STARD13: variants seen among roughly 807,000 people sequenced by gnomAD.
STARD13 encodes StAR related lipid transfer domain containing 13.
Under a neutral mutation model 106.4 loss-of-function variants are expected in STARD13, and 62 were observed. That is an observed-to-expected ratio of 0.58 (90% CI 0.48 to 0.72). The LOEUF (loss-of-function observed/expected upper bound fraction) is 0.72. STARD13 is among the 30% of genes least tolerant of loss of function. The pLI, the probability that STARD13 is intolerant of heterozygous loss-of-function variation, is 0.00. For synonymous variants in STARD13, 565 were observed against 553.0 expected (o/e 1.02, Z -0.31); for missense variants, 1,387 against 1,424.0 (o/e 0.97, Z 0.42).
At chr13:33,297,714 AT>A (rs1364993111) in intron 1 of STARD13, among the ~76,000 whole-genome samples, 1 of 152,300 alleles carries the variant, frequency 6.6e-6, no homozygotes, top group Non-Finnish European at 1.5e-5. Context: ...TTAAATCTCC[AT>A]TTTTAAAATA....
At chr13:33,284,852 A>G (rs547574709) in intron 1 of STARD13, among the ~76,000 whole-genome samples, 84 of 152,204 alleles carry the variant, frequency 5.5e-4, no homozygotes, top group Non-Finnish European at 1.1e-3. Context: ...TCTTTGCATT[A>G]GGAAGCTGGA....
intron 12 of STARD13, among the ~76,000 whole-genome samples, chr13:33,107,806 C>CA (rs1266184479): frequency 1.3e-5 from 2 of 152,018 alleles, no homozygotes; most frequent in Non-Finnish European, 2.9e-5. Context: ...GCTATGAGAA[C>CA]ATCTCTGTAA....
the STARD13 span, among the ~76,000 whole-genome samples, chr13:33,428,951 T>C: frequency 8.5e-5 from 13 of 152,116 alleles, no homozygotes; most frequent in Non-Finnish European, 7.4e-5. Context: ...ATCAGAGAAA[T>C]GCATATCAAA....
chr13:33,283,867 A>C (rs960170136), intron 1 of STARD13, among the ~76,000 whole-genome samples: 1 of 152,234 alleles, frequency 6.6e-6, no homozygotes, highest in African/African-American at 2.4e-5. Context: ...GAACATAAAT[A>C]ATATTTAAAT....
the STARD13 span, among the ~76,000 whole-genome samples, chr13:33,626,445 A>T: frequency 6.6e-6 from 1 of 152,320 alleles, no homozygotes; most frequent in Admixed American, 6.5e-5. Flanking sequence ...TATTTGAGAA[A>T]ATTGTTGGTG....
chr13:33,422,973 A>T, the STARD13 span, among the ~76,000 whole-genome samples: 2 of 152,204 alleles, frequency 1.3e-5, no homozygotes, highest in Admixed American at 1.3e-4. Context: ...TAAATGTTAG[A>T]CCTAAAACCA....
intron 9 of STARD13, among the ~76,000 whole-genome samples, chr13:33,112,267 C>G (rs906532073): frequency 3.3e-5 from 5 of 152,166 alleles, no homozygotes; most frequent in African/African-American, 1.2e-4. Context: ...ACATAAAACT[C>G]AAGCTTTCTG....
chr13:33,110,574 C>A, intron 11 of STARD13, 112 bp downstream of exon 11: 1 of 858,262 alleles, frequency 1.2e-6, no homozygotes, highest in Non-Finnish European at 1.9e-6. Context: ...CTTAACTGTC[C>A]GCGTGTGTGC....
the STARD13 span, among the ~76,000 whole-genome samples, chr13:33,473,922 C>T: frequency 8.5e-5 from 13 of 152,278 alleles, no homozygotes; most frequent in African/African-American, 2.9e-4. Context: ...ACAAGCTCAA[C>T]CAACTGAGAG....
the STARD13 span, among the ~76,000 whole-genome samples, chr13:33,633,863 G>C: frequency 6.6e-6 from 1 of 152,152 alleles, no homozygotes; most frequent in Non-Finnish European, 1.5e-5. Context: ...ACAGTGGAGG[G>C]CTCATTTTCC....
chr13:33,536,183 G>C, the STARD13 span, among the ~76,000 whole-genome samples: 2 of 152,192 alleles, frequency 1.3e-5, no homozygotes, highest in Non-Finnish European at 2.9e-5. Context: ...GTAAAATGGT[G>C]AAGCAAAACA....
At chr13:33,607,593 G>A in the STARD13 span, among the ~76,000 whole-genome samples, 1 of 152,012 alleles carries the variant, frequency 6.6e-6, no homozygotes, top group African/African-American at 2.4e-5. Flanking sequence ...ACCACGCCTG[G>A]CCCATTGTTT....
intron 1 of STARD13, among the ~76,000 whole-genome samples, chr13:33,333,018 A>G (rs1228646666): frequency 6.6e-6 from 1 of 152,104 alleles, no homozygotes; most frequent in African/African-American, 2.4e-5. Context: ...TATAATAATA[A>G]TGATAATAAT....
At chr13:33,257,542 C>T (rs1264875551) in intron 1 of STARD13, among the ~76,000 whole-genome samples, 1 of 152,028 alleles carries the variant, frequency 6.6e-6, no homozygotes, top group African/African-American at 2.4e-5. Context: ...AGCCTGAAGA[C>T]ATTTGAGATG....
At chr13:33,458,749 C>T in the STARD13 span, among the ~76,000 whole-genome samples, 7 of 151,404 alleles carry the variant, frequency 4.6e-5, no homozygotes, top group South Asian at 2.1e-4. Flanking sequence ...CAAATGTGTC[C>T]GGATTTCAGA....
chr13:33,675,881 T>G, the STARD13 span, among the ~76,000 whole-genome samples: 11 of 152,184 alleles, frequency 7.2e-5, no homozygotes, highest in African/African-American at 2.7e-4. Context: ...ATCAATGAGC[T>G]AGCTAAAAGC....
At chr13:33,617,747 AC>A in the STARD13 span, among the ~76,000 whole-genome samples, 1 of 152,198 alleles carries the variant, frequency 6.6e-6, no homozygotes, top group Non-Finnish European at 1.5e-5. Context: ...TCTACTGAGG[AC>A]CAAGCACTGG....
At chr13:33,110,279 AATG>A (rs1462740397) in intron 11 of STARD13, among the ~76,000 whole-genome samples, 189 bp from the exon 12 acceptor site, 2 of 152,222 alleles carry the variant, frequency 1.3e-5, no homozygotes, top group African/African-American at 4.8e-5. Flanking sequence ...AAAGAATAAT[AATG>A]ATGATAAAAA....
chr13:33,212,486 T>A (rs115583829), intron 1 of STARD13, among the ~76,000 whole-genome samples: 2,208 of 152,304 alleles, frequency 0.014, 72 homozygotes, highest in African/African-American at 0.051. Context: ...TTGGGCACAC[T>A]GGCACCCAGA....
Sources: allele counts gnomAD v4.1 joint callset (sites outside exome capture counted in the v4.1 genomes callset), GRCh38; gene constraint gnomAD v4.1.1; transcripts MANE v1.5; gene names NCBI Gene and HGNC (gene_info 2026-07-23, HGNC 2026-07-21).